MAPK9: variants seen among roughly 807,000 people sequenced by gnomAD.
The protein encoded by MAPK9 is Jun kinase.
In MAPK9, 30 loss-of-function variants were observed where a neutral mutation model predicts 57.1. The ratio of observed to expected loss-of-function variants is 0.53; its 90% CI spans 0.39 to 0.71. The LOEUF is 0.71. Among genes scored for constraint, MAPK9 ranks in the 30% least tolerant of loss-of-function variants. The pLI, the probability that MAPK9 is intolerant of heterozygous loss-of-function variation, is 0.00. For synonymous variants in MAPK9, 155 were observed against 177.0 expected (o/e 0.88, Z 0.99); for missense variants, 362 against 521.0 (o/e 0.69, Z 2.97).
intron 5 of MAPK9, among the ~76,000 whole-genome samples, chr5:180,256,320 T>C (rs1017918785): frequency 3.4e-5 from 5 of 148,116 alleles, no homozygotes; most frequent in African/African-American, 1.0e-4. Flanking sequence ...CATGGTACTG[T>C]AGATGGAACA....
chr5:180,290,967 G>A (rs1429335243), intron 1 of MAPK9, among the ~76,000 whole-genome samples: 1 of 152,200 alleles, frequency 6.6e-6, no homozygotes, highest in African/African-American at 2.4e-5. Flanking sequence ...ATGAGAGCTA[G>A]GAAGGAAATT....
At chr5:180,268,574 T>C (rs1279785215) in intron 3 of MAPK9, among the ~76,000 whole-genome samples, 1 of 152,236 alleles carries the variant, frequency 6.6e-6, no homozygotes, top group Non-Finnish European at 1.5e-5. Flanking sequence ...ACGCCTGTAA[T>C]CCCAGCACTT....
At chr5:180,253,961 C>CTTT (rs1244742150) in intron 5 of MAPK9, among the ~76,000 whole-genome samples, 2 of 77,776 alleles carry the variant, frequency 2.6e-5, no homozygotes, top group Non-Finnish European at 5.3e-5. Context: ...ATGCTTCAAT[C>CTTT]TCTTTTTTTT....
intron 7 of MAPK9, chr5:180,246,872 A>G (rs1758159301): frequency 1.3e-5 from 2 of 152,420 alleles, no homozygotes; most frequent in Non-Finnish European, 2.9e-5. Flanking sequence ...ACAAAATGTC[A>G]GCACAGTAAC....
chr5:180,250,867 A>G (rs1369101609), intron 5 of MAPK9, among the ~76,000 whole-genome samples: 3 of 152,134 alleles, frequency 2.0e-5, no homozygotes, highest in East Asian at 3.9e-4. Context: ...GCCTCCCTGC[A>G]TGAAGGAAAG....
intron 5 of MAPK9, among the ~76,000 whole-genome samples, chr5:180,256,775 C>T (rs1461490318): frequency 6.6e-6 from 1 of 152,188 alleles, no homozygotes; most frequent in Non-Finnish European, 1.5e-5. Flanking sequence ...TCTCACAAAG[C>T]CCCCAGTGAC....
intron 3 of MAPK9, among the ~76,000 whole-genome samples, chr5:180,267,491 G>C (rs1445709641): frequency 6.7e-6 from 1 of 150,144 alleles, no homozygotes; most frequent in East Asian, 2.0e-4. Flanking sequence ...GAACCTGGGA[G>C]GCGGAGCTTG....
intron 2 of MAPK9, among the ~76,000 whole-genome samples, chr5:180,275,234 C>T (rs1220672336): frequency 2.0e-5 from 3 of 152,068 alleles, no homozygotes; most frequent in Admixed American, 2.0e-4. Flanking sequence ...ATAATTTTAT[C>T]TAATATGATG....
At chr5:180,268,951 A>G in intron 3 of MAPK9, among the ~76,000 whole-genome samples, 1 of 151,412 alleles carries the variant, frequency 6.6e-6, no homozygotes, top group South Asian at 2.1e-4. Context: ...CATCCTGACT[A>G]ACATGGTGAA....
At chr5:180,251,182 T>A (rs557756671) in intron 5 of MAPK9, among the ~76,000 whole-genome samples, 2 of 152,060 alleles carry the variant, frequency 1.3e-5, no homozygotes, top group South Asian at 2.1e-4. Context: ...CCACAGAGGG[T>A]GTGCAGTGGG....
rs546071105 is a variant in MAPK9, at chr5:180,234,554, G to A, written c.*1830C>T. 1 of 152,306 alleles carries A rather than the reference G, an allele frequency of 6.6e-6. No homozygotes were observed. Among genetic ancestry groups the A allele is most frequent in the Non-Finnish European group, 1.5e-5 (1 of 68,044 alleles). 9.4% of individuals were successfully genotyped at this position (152,306 alleles called of 1,614,324 possible). On this transcript the variant is annotated 3_prime_UTR_variant, in exon 12 of 12. Transcript: ENST00000452135. ...GGGGAGGGAGCATCACACAGTGCAG[G>A]GCAGCTCGCGCATTTTCAACCTCTC...
intron 5 of MAPK9, among the ~76,000 whole-genome samples, chr5:180,252,141 C>T (rs80207631): frequency 2.6e-5 from 4 of 152,178 alleles, no homozygotes; most frequent in East Asian, 3.9e-4. Context: ...AGGTCTCTTG[C>T]GGCCATGTTA....
At chr5:180,238,074 AGCTTG>A (rs962177550) in intron 11 of MAPK9, 37 of 266,798 alleles carry the variant, frequency 1.4e-4, no homozygotes, top group African/African-American at 7.5e-4. Flanking sequence ...GATCGAGACC[AGCTTG>A]GCCAATATGG....
intron 3 of MAPK9, among the ~76,000 whole-genome samples, chr5:180,267,100 T>C (rs907024080): frequency 7.2e-5 from 11 of 152,202 alleles, no homozygotes; most frequent in African/African-American, 2.7e-4. Flanking sequence ...ATAACACGAT[T>C]AATCTTGTTT....
intron 1 of MAPK9, among the ~76,000 whole-genome samples, chr5:180,282,460 T>G (rs141061424): frequency 6.6e-6 from 1 of 152,156 alleles, no homozygotes; most frequent in Non-Finnish European, 1.5e-5. Flanking sequence ...ATAAGCACAA[T>G]GTAAACAAAA....
At chr5:180,288,017 T>C (rs1211507299) in intron 1 of MAPK9, among the ~76,000 whole-genome samples, 1 of 152,104 alleles carries the variant, frequency 6.6e-6, no homozygotes, top group Non-Finnish European at 1.5e-5. Flanking sequence ...GGTCTGCTAT[T>C]TATCTGGGTG....
intron 3 of MAPK9, among the ~76,000 whole-genome samples, chr5:180,267,433 G>A (rs1374381001): frequency 6.6e-5 from 10 of 151,660 alleles, no homozygotes; most frequent in South Asian, 2.1e-4. Context: ...GTGGTGGCGG[G>A]CACCTGTAGT....
chr5:180,250,614 G>A (rs1332289109), intron 5 of MAPK9, among the ~76,000 whole-genome samples: 2 of 152,278 alleles, frequency 1.3e-5, no homozygotes, highest in East Asian at 3.9e-4. Flanking sequence ...GCTGTCATCA[G>A]GGCAAGCAGG....
intron 5 of MAPK9, 54 bp from the exon 6 acceptor site, chr5:180,249,192 T>G: frequency 1.3e-6 from 2 of 1,522,830 alleles, no homozygotes. Flanking sequence ...CTAAATAAAC[T>G]ACTTCACATC....
Sources: allele counts gnomAD v4.1 joint callset (sites outside exome capture counted in the v4.1 genomes callset), GRCh38; gene constraint gnomAD v4.1.1; transcripts MANE v1.5; gene names NCBI Gene and HGNC (gene_info 2026-07-23, HGNC 2026-07-21).